The following PARD3B variants were observed in gnomAD, a reference collection of about 807,000 sequenced individuals.
The protein encoded by PARD3B is partitioning defective 3 homolog B.
In PARD3B, 103 loss-of-function variants were observed where a neutral mutation model predicts 130.2. The observed-to-expected ratio is 0.79, with a 90% CI of 0.67 to 0.93. PARD3B has a LOEUF of 0.93. Ranked by LOEUF, PARD3B falls within the 40% of genes least tolerant of loss-of-function variation. The pLI is 0.00. For missense variants in PARD3B, 1,609 were observed against 1,499.2 expected, an observed-to-expected ratio of 1.07 and a Z score of -1.21; for synonymous variants, 583 against 553.2, an observed-to-expected ratio of 1.05 and a Z score of -0.76.
intron 14 of PARD3B, among the ~76,000 whole-genome samples, chr2:205,191,484 A>G (rs1346229488): frequency 1.3e-5 from 2 of 152,196 alleles, no homozygotes; most frequent in Non-Finnish European, 2.9e-5. Context: ...TCTGACAAAA[A>G]CAGAGATGTC....
intron 19 of PARD3B, among the ~76,000 whole-genome samples, chr2:205,434,428 C>T (rs373742694): frequency 8.2e-4 from 125 of 152,148 alleles, no homozygotes; most frequent in African/African-American, 2.7e-3. Context: ...ACACTCGTGA[C>T]GCATTCAAGG....
chr2:204,755,264 A>G (rs915495115), intron 2 of PARD3B, among the ~76,000 whole-genome samples: 2 of 152,270 alleles, frequency 1.3e-5, no homozygotes, highest in East Asian at 3.9e-4. Flanking sequence ...ACTAGTGTTC[A>G]GATTTGATTG....
intron 18 of PARD3B, among the ~76,000 whole-genome samples, chr2:205,323,168 C>G (rs562868488): frequency 6.6e-6 from 1 of 152,008 alleles, no homozygotes; most frequent in African/African-American, 2.4e-5. Context: ...CTCAGCCTCC[C>G]AAAGTGCTGG....
At chr2:205,071,432 T>C (rs1004286128) in intron 4 of PARD3B, among the ~76,000 whole-genome samples, 4 of 152,186 alleles carry the variant, frequency 2.6e-5, no homozygotes, top group African/African-American at 7.2e-5. Flanking sequence ...CTGGCCAGAC[T>C]TAGGGAAAAT....
intron 10 of PARD3B, among the ~76,000 whole-genome samples, chr2:205,134,984 T>G (rs543904765): frequency 6.6e-6 from 1 of 151,660 alleles, no homozygotes; most frequent in East Asian, 2.0e-4. Flanking sequence ...CTAAATACGT[T>G]GTCTTGCAAA....
intron 18 of PARD3B, among the ~76,000 whole-genome samples, chr2:205,361,117 C>T (rs190567947): frequency 6.9e-4 from 105 of 152,104 alleles, no homozygotes; most frequent in African/African-American, 2.4e-3. Flanking sequence ...GAAAAAAAAA[C>T]TTGGAGGAGA....
intron 1 of PARD3B, among the ~76,000 whole-genome samples, chr2:204,674,969 T>C (rs941286198): frequency 1.3e-5 from 2 of 152,228 alleles, no homozygotes; most frequent in Admixed American, 6.5e-5. Flanking sequence ...GAATGTTTTT[T>C]AGGGCTTTAT....
At chr2:205,119,326 G>A (rs577603872) in intron 7 of PARD3B, among the ~76,000 whole-genome samples, 1 of 151,938 alleles carries the variant, frequency 6.6e-6, no homozygotes, top group African/African-American at 2.4e-5. Flanking sequence ...GTTTTTCTTG[G>A]GCTATGGGTC....
At chr2:204,987,431 C>T (rs933930880) in intron 3 of PARD3B, among the ~76,000 whole-genome samples, 5 of 152,064 alleles carry the variant, frequency 3.3e-5, no homozygotes, top group African/African-American at 1.2e-4. Flanking sequence ...TTACCTTTGT[C>T]AAAGAAAAGA....
chr2:205,023,178 C>T (rs148958652), intron 3 of PARD3B, among the ~76,000 whole-genome samples: 58 of 152,264 alleles, frequency 3.8e-4, no homozygotes, highest in African/African-American at 1.4e-3. Flanking sequence ...AGCTCATTAC[C>T]ACATTTGTGA....
chr2:205,554,473 G>A (rs1316750743), intron 22 of PARD3B, among the ~76,000 whole-genome samples: 1 of 152,130 alleles, frequency 6.6e-6, no homozygotes, highest in Non-Finnish European at 1.5e-5. Context: ...TCCTGATTAG[G>A]CAGGACACCC....
At chr2:205,542,354 T>TTG (rs143438143) in intron 21 of PARD3B, among the ~76,000 whole-genome samples, 25,079 of 144,968 alleles carry the variant, frequency 0.17, 2,527 homozygotes, top group Middle Eastern at 0.28. Context: ...TAGTTTGTGT[T>TTG]TGTGTGTGTG....
intron 18 of PARD3B, among the ~76,000 whole-genome samples, chr2:205,391,560 T>G (rs1407190536): frequency 3.9e-5 from 6 of 152,254 alleles, no homozygotes; most frequent in Admixed American, 1.3e-4. Flanking sequence ...GTTAAATATC[T>G]GTCCCAGAAA....
chr2:204,927,485 T>C (rs1248613095), intron 2 of PARD3B, among the ~76,000 whole-genome samples: 5 of 152,166 alleles, frequency 3.3e-5, no homozygotes, highest in African/African-American at 1.2e-4. Flanking sequence ...GAAATAAATT[T>C]ATGTTGTTCC....
chr2:204,871,525 C>T (rs894850716), intron 2 of PARD3B, among the ~76,000 whole-genome samples: 11 of 152,072 alleles, frequency 7.2e-5, no homozygotes, highest in Admixed American at 1.3e-4. Flanking sequence ...TCCCTTCTCA[C>T]GTTATGTTTT....
chr2:205,067,933 T>C (rs1261126493), intron 4 of PARD3B, among the ~76,000 whole-genome samples: 1 of 152,198 alleles, frequency 6.6e-6, no homozygotes, highest in Non-Finnish European at 1.5e-5. Context: ...ACTTGTGACA[T>C]TATCATCCAC....
intron 18 of PARD3B, among the ~76,000 whole-genome samples, chr2:205,316,638 A>T (rs1445828890): frequency 1.3e-5 from 2 of 152,200 alleles, no homozygotes; most frequent in African/African-American, 4.8e-5. Flanking sequence ...AGGATTTAAA[A>T]GTAAGAGCTA....
Position 204,673,563 on chromosome 2 carries a change from A to T in PARD3B, c.121-12618A>T, listed in dbSNP as rs2036403607. ...ATGAGACTTGCCCTGGGGCACAGCC[A>T]TTTGTTAGAAGACCTGGCTCCCCAC... On this transcript the variant is annotated intron_variant, in intron 1 of 22. Transcript: ENST00000406610. This position sits in a 1 kb window ranked among gnomAD's most constrained non-coding sequence, Gnocchi z 4.7. Among the ~76,000 whole-genome samples, 1 of 152,198 alleles carries T rather than the reference A, an allele frequency of 6.6e-6. No individual in the cohort carries two copies. The highest frequency in any genetic ancestry group is 2.1e-4 in the South Asian group (1 of 4,834).
intron 16 of PARD3B, among the ~76,000 whole-genome samples, chr2:205,260,978 C>T (rs1433388804): frequency 1.3e-5 from 2 of 151,884 alleles, no homozygotes; most frequent in Non-Finnish European, 2.9e-5. Flanking sequence ...CTAGATTCAG[C>T]ATTTACCTAA....
Sources: gnomAD v4.1 joint callset for allele counts (sites outside exome capture counted in the v4.1 genomes callset) on GRCh38, gnomAD v4.1.1 for gene constraint, Gnocchi (gnomAD v3.1) non-coding constraint, MANE v1.5 for transcripts, NCBI Gene and HGNC (gene_info 2026-07-23, HGNC 2026-07-21) for gene names.